Variants in CCND3 observed in about 807,000 individuals in gnomAD.
CCND3 encodes the protein cyclin D3.
In CCND3, 9 loss-of-function variants were observed where a neutral mutation model predicts 28.7. That is an observed-to-expected ratio of 0.31 (90% CI 0.19 to 0.55). The LOEUF (loss-of-function observed/expected upper bound fraction) is 0.55. Ranked by LOEUF, CCND3 falls within the 20% of genes least tolerant of loss-of-function variation. CCND3 has a pLI of 0.93. For missense variants in CCND3, 315 were observed against 385.8 expected (o/e 0.82, Z 1.54); for synonymous variants, 164 against 163.9 (o/e 1.00, Z 0.00).
upstream of CCND3, among the ~76,000 whole-genome samples, chr6:41,945,216 A>G (rs1033754849): frequency 6.6e-6 from 1 of 152,140 alleles, no homozygotes; most frequent in Admixed American, 6.5e-5. Context: ...CTTCATCATC[A>G]AAATACCCCC....
chr6:42,016,593 CTTTTTTTT>C (rs377188844), intron 1 of CCND3, among the ~76,000 whole-genome samples: 1 of 138,576 alleles, frequency 7.2e-6, no homozygotes, highest in Admixed American at 7.4e-5. Context: ...CTATCTATTA[CTTTTTTTT>C]TTTTTTTTTG....
rs527923415 is a variant in CCND3 at position 41,936,012 on chromosome 6, G to C, written c.807C>G (p.Ala269=). 30 of 1,613,410 alleles carry C rather than the reference G, an allele frequency of 1.9e-5. No individual in the cohort carries two copies. The East Asian group carries it at 6.5e-4, about 35-fold the overall frequency. Residue 269 remains alanine (A), a synonymous_variant, in exon 5 of 5, where the codon GCC becomes GCG. Coordinates refer to ENST00000372991, the MANE Select transcript of CCND3 (RefSeq NM_001760.5). This position sits in a 1 kb window ranked among gnomAD's most constrained non-coding sequence, Gnocchi z 4.4. ...GCCCTTGGCTGCTGGAGCCCCGGGG[G>C]GCTTTGGGCGCTGGGCTGGAGCTGG... ...SQTSSSPAPK[A]PRGSSSQGPS...
chr6:41,968,686 GT>G (rs1315648935), intron 1 of CCND3, among the ~76,000 whole-genome samples: 2 of 152,192 alleles, frequency 1.3e-5, no homozygotes, highest in Admixed American at 6.5e-5. Context: ...TGAGATGTGT[GT>G]GATCTTGATG....
rs756023182 is a variant in CCND3 at position 41,936,173 on chromosome 6, G to A, written c.712-66C>T. On this transcript the variant is annotated intron_variant, in intron 4 of 4. Coordinates refer to ENST00000372991, the MANE Select transcript of CCND3 (RefSeq NM_001760.5). This position sits in a 1 kb window ranked among gnomAD's most constrained non-coding sequence, Gnocchi z 4.4. The stretch of plus-strand genomic sequence containing the variant: ...CATAGCATCTGGCAGCAGGTGCAGG[G>A]GAAGGACAGCTCCCAACACATGGGG... 97 of 1,497,148 alleles carry A rather than the reference G, an allele frequency of 6.5e-5. No individual in the cohort carries two copies. Among genetic ancestry groups the A allele is most frequent in the Non-Finnish European group, 8.3e-5 (93 of 1,117,422 alleles). 92.7% of individuals were successfully genotyped at this position (1,497,148 alleles called of 1,614,324 possible). A position where few individuals can be genotyped will look rare whatever the true frequency, so the allele number is the denominator to read the frequency against.
At chr6:42,025,490 A>AGG (rs1763848466) in intron 1 of CCND3, among the ~76,000 whole-genome samples, 1 of 152,176 alleles carries the variant, frequency 6.6e-6, no homozygotes, top group Non-Finnish European at 1.5e-5. Context: ...GGGGTGAGTG[A>AGG]AGACATCTCC....
At chr6:41,946,594 T>TTA (rs1381002198), upstream of CCND3, among the ~76,000 whole-genome samples, 1 of 5,862 alleles carries the variant, frequency 1.7e-4, no homozygotes, top group Admixed American at 3.9e-3. Flanking sequence ...GAGACCTGTC[T>TTA]CAAAAAAAAA....
rs545054088 is a variant in CCND3 at position 41,941,620 on chromosome 6, C to A, written c.30G>T (p.Arg10=). ...GGTCCGGCCCGGCCCGGGGCGCGTG[C>A]CGGGTGCCTTCGCAACACAGCAGCT... MELLCCEGT[R]HAPRAGPDPR... is the part of the protein sequence containing the mutation. The change falls in exon 1 of 5, where the codon CGG becomes CGT. Residue 10 remains arginine (R), a synonymous_variant. Transcript: ENST00000372991. This position sits in a 1 kb window ranked among gnomAD's most constrained non-coding sequence, Gnocchi z 6.1. 8 of 1,517,222 alleles carry A rather than the reference C, an allele frequency of 5.3e-6. No homozygotes were observed. Among genetic ancestry groups the A allele is most frequent in the Non-Finnish European group, 7.1e-6 (8 of 1,130,526 alleles). The allele number at this position is 1,517,222 out of a possible 1,614,324, so 94.0% of individuals were successfully genotyped here.
At chr6:42,012,461 G>T (rs1422112359) in intron 1 of CCND3, among the ~76,000 whole-genome samples, 1 of 149,078 alleles carries the variant, frequency 6.7e-6, no homozygotes, top group African/African-American at 2.6e-5. Flanking sequence ...AAATTAGCCA[G>T]GTGTGATGGT....
At chr6:41,992,417 C>T (rs1762676648) in intron 1 of CCND3, among the ~76,000 whole-genome samples, 1 of 151,188 alleles carries the variant, frequency 6.6e-6, no homozygotes, top group East Asian at 1.9e-4. Flanking sequence ...CCTGCCTCAG[C>T]CCCCAAAGTG....
chr6:41,978,450 C>T (rs1487257507), intron 1 of CCND3, among the ~76,000 whole-genome samples: 1 of 151,762 alleles, frequency 6.6e-6, no homozygotes, highest in Non-Finnish European at 1.5e-5. Context: ...GCAGGAGAAT[C>T]GCTTCAACCC....
At position 41,941,581 on chromosome 6, in the gene CCND3, C is replaced by G. The variant is rs758615400; in HGVS notation, c.69G>C (p.Gly23=). 6.4e-7 allele frequency: 1 copy of G among 1,556,550 alleles called. No individual in the cohort carries two copies. Among genetic ancestry groups the G allele is most frequent in the East Asian group, 2.4e-5 (1 of 42,052 alleles). Residue 23 remains glycine (G), a synonymous_variant, in exon 1 of 5, where the codon GGG becomes GGC. Transcript: ENST00000372991. The surrounding 1 kb of genome is among the most constrained non-coding windows in gnomAD (Gnocchi z 6.1). ...PRAGPDPRLL[G]DQRVLQSLLR... is the part of the protein sequence containing the mutation. ...GCAGGCTCTGCAGGACACGCTGGTC[C>G]CCCAGCAGCCGCGGGTCCGGCCCGG...
chr6:41,969,337 G>A (rs1761972878), intron 1 of CCND3, among the ~76,000 whole-genome samples: 1 of 151,612 alleles, frequency 6.6e-6, no homozygotes. Flanking sequence ...CCAACATGGT[G>A]CAACCCCATC....
chr6:42,030,623 C>T (rs1264361572), intron 1 of CCND3, among the ~76,000 whole-genome samples: 2 of 152,206 alleles, frequency 1.3e-5, no homozygotes, highest in Non-Finnish European at 2.9e-5. Flanking sequence ...GGTCCTGCCT[C>T]GCCTTCCCCA....
intron 1 of CCND3, among the ~76,000 whole-genome samples, chr6:41,990,921 T>C (rs1762627977): frequency 6.6e-6 from 1 of 151,942 alleles, no homozygotes; most frequent in Non-Finnish European, 1.5e-5. Context: ...CCTAAGGTGA[T>C]CCGCCCACCT....
chr6:41,940,182 G>T (rs1775945928), intron 2 of CCND3, among the ~76,000 whole-genome samples, 188 bp downstream of exon 2: 1 of 152,166 alleles, frequency 6.6e-6, no homozygotes, highest in Non-Finnish European at 1.5e-5. Context: ...CTCAAGCCTG[G>T]GCGGGAGTGA....
chr6:41,954,042 G>A (rs1776377983), intron 1 of CCND3, among the ~76,000 whole-genome samples: 1 of 151,532 alleles, frequency 6.6e-6, no homozygotes, highest in Admixed American at 6.6e-5. Context: ...CTTGAGGCCA[G>A]GAGTTTGAGA....
chr6:41,969,259 A>G (rs993747699), intron 1 of CCND3, among the ~76,000 whole-genome samples: 2 of 152,092 alleles, frequency 1.3e-5, no homozygotes, highest in Non-Finnish European at 2.9e-5. Context: ...TATGCCTGCA[A>G]TCCCAGCACT....
rs1237153958 is a variant in CCND3, at chr6:41,936,018, G to C, written c.801C>G (p.Pro267=). 1 of 1,613,410 alleles carries C rather than the reference G, an allele frequency of 6.2e-7. No individual in the cohort carries two copies. The highest frequency in any genetic ancestry group is 8.5e-7 in the Non-Finnish European group (1 of 1,179,614). The stretch of plus-strand genomic sequence containing the variant: ...GGCTGCTGGAGCCCCGGGGGGCTTT[G>C]GGCGCTGGGCTGGAGCTGGTCTGAG... ...EASQTSSSPA[P]KAPRGSSSQG... Residue 267 remains proline (P), a synonymous_variant, in exon 5 of 5, where the codon CCC becomes CCG. Coordinates refer to ENST00000372991, the MANE Select transcript of CCND3 (RefSeq NM_001760.5). The surrounding 1 kb of genome is among the most constrained non-coding windows in gnomAD (Gnocchi z 4.4).
At chr6:42,005,999 A>T (rs1169410978) in intron 1 of CCND3, among the ~76,000 whole-genome samples, 1 of 151,492 alleles carries the variant, frequency 6.6e-6, no homozygotes, top group East Asian at 1.9e-4. Context: ...CCATTTCTAC[A>T]CAAAAAATTT....
Sources: allele counts gnomAD v4.1 joint callset (sites outside exome capture counted in the v4.1 genomes callset), GRCh38; gene constraint gnomAD v4.1.1; non-coding constraint Gnocchi (gnomAD v3.1); transcripts MANE v1.5; gene names NCBI Gene and HGNC (gene_info 2026-07-23, HGNC 2026-07-21).